The following RALGAPA1 variants were observed in gnomAD, a reference collection of about 807,000 sequenced individuals.
The protein encoded by RALGAPA1 is ral GTPase-activating protein subunit alpha-1.
RALGAPA1 carries 52 observed loss-of-function variants against 269.6 expected under a neutral mutation model. The ratio of observed to expected loss-of-function variants is 0.19; its 90% CI spans 0.15 to 0.24. RALGAPA1 has a LOEUF of 0.24. RALGAPA1 is among the 10% of genes least tolerant of loss of function. The probability of loss-of-function intolerance (pLI) is 1.00; values close to 1 mark genes in which losing one functional copy is unlikely to be tolerated. For synonymous variants in RALGAPA1, 817 were observed against 1,008.3 expected (o/e 0.81, Z 3.60); for missense variants, 1,917 against 3,013.9 (o/e 0.64, Z 8.52).
At position 35,627,946 on chromosome 14, in the gene RALGAPA1, T is replaced by C; in HGVS notation, c.6001A>G (p.Thr2001Ala). The change falls in exon 34 of 42, where the codon ACT becomes GCT. Residue 2001 changes from threonine (T) to alanine (A), a missense_variant. Thr to Ala is a moderately conservative substitution (Grantham distance 58). This residue lies in a region of RALGAPA1 where 346 missense variants were observed against 566.1 expected (regional missense o/e 0.61). Transcript: ENST00000680220. ...GAGATTAATCCATGCTGCATTTGAG[T>C]TTTCACTGGAAATAAAAAATATAAA... ...SKLQPVTEVKTQMQHGLISIA... is the reference protein window; with the variant it reads ...SKLQPVTEVKAQMQHGLISIA... 1 of 1,543,998 alleles carries C rather than the reference T, an allele frequency of 6.5e-7. No homozygotes were observed. The highest frequency in any genetic ancestry group is 2.3e-5 in the East Asian group (1 of 44,120).
chr14:35,788,215 C>T (rs891773301), intron 1 of RALGAPA1, among the ~76,000 whole-genome samples: 2 of 152,016 alleles, frequency 1.3e-5, no homozygotes, highest in African/African-American at 4.8e-5. Flanking sequence ...TCGTGATTTA[C>T]CCACCTCGGC....
At chr14:35,560,258 G>C (rs766556848) in intron 39 of RALGAPA1, among the ~76,000 whole-genome samples, 1 of 152,134 alleles carries the variant, frequency 6.6e-6, no homozygotes, top group Non-Finnish European at 1.5e-5. Flanking sequence ...CTTTCTGCTT[G>C]ACTGTATTAT....
chr14:35,762,400 C>T (rs1726021840), intron 5 of RALGAPA1, among the ~76,000 whole-genome samples: 1 of 152,144 alleles, frequency 6.6e-6, no homozygotes, highest in South Asian at 2.1e-4. Context: ...TGAGTACAGG[C>T]ACGTGCCACC....
intron 23 of RALGAPA1, 86 bp downstream of exon 23, chr14:35,674,430 G>A (rs1036630146): frequency 6.1e-6 from 8 of 1,308,778 alleles, no homozygotes; most frequent in Non-Finnish European, 8.4e-6. Context: ...TAGTCAAAAA[G>A]GGTGTCACAA....
At chr14:35,615,370 G>C (rs2060186518) in intron 35 of RALGAPA1, among the ~76,000 whole-genome samples, 2 of 152,218 alleles carry the variant, frequency 1.3e-5, no homozygotes, top group African/African-American at 2.4e-5. Flanking sequence ...AGAAAATAAA[G>C]AATCTATAAA....
intron 13 of RALGAPA1, 69 bp from the exon 14 acceptor site, chr14:35,725,222 C>A: frequency 9.3e-7 from 1 of 1,076,208 alleles, no homozygotes; most frequent in South Asian, 2.3e-5. Flanking sequence ...AGTTAACTTT[C>A]AAATACATAC....
rs191272901 is a variant in RALGAPA1, at chr14:35,718,452, A to G, written c.2266+3236T>C. On this transcript the variant is annotated intron_variant, in intron 16 of 41. Coordinates refer to ENST00000680220, the MANE Select transcript of RALGAPA1 (RefSeq NM_001346249.2). ...GAGGTGAAATGGGAAGGTGGGGAAT[A>G]GTGATGAGGGAGACTTACTACAATG... 8.5e-5 allele frequency among the ~76,000 whole-genome samples: 13 copies of G among 152,326 alleles called. No individual in the cohort carries two copies. The East Asian group carries it at 2.3e-3, about 27-fold the overall frequency.
At chr14:35,622,897 A>C (rs1261645173) in intron 35 of RALGAPA1, among the ~76,000 whole-genome samples, 1 of 152,118 alleles carries the variant, frequency 6.6e-6, no homozygotes, top group East Asian at 1.9e-4. Context: ...CTAGGTGTTC[A>C]AGGCCAGCCT....
intron 37 of RALGAPA1, among the ~76,000 whole-genome samples, chr14:35,591,447 T>C (rs1355916381): frequency 6.6e-6 from 1 of 151,996 alleles, no homozygotes; most frequent in East Asian, 1.9e-4. Flanking sequence ...TCCTGAGTAA[T>C]TGGGACTATA....
rs769630971 is a variant in RALGAPA1, at chr14:35,688,446, T to C, written c.3952+13A>G. ...CTTTCTCCTTTTGCGCTCTGCACAC[T>C]GTTAGTGCTCACCTGCAGCTTTCCT... On this transcript the variant is annotated intron_variant, in intron 18 of 41. Coordinates refer to ENST00000680220, the MANE Select transcript of RALGAPA1 (RefSeq NM_001346249.2). The C allele has an allele frequency of 3.3e-6, 5 of 1,536,026 alleles. No homozygotes were observed. The highest frequency in any genetic ancestry group is 4.4e-6 in the Non-Finnish European group (5 of 1,146,888).
In RALGAPA1 at chr14:35,724,987, C is replaced by T. The variant is rs781581502; in HGVS notation, c.1866+37G>A. On this transcript the variant is annotated intron_variant, in intron 14 of 41. Coordinates refer to ENST00000680220, the MANE Select transcript of RALGAPA1 (RefSeq NM_001346249.2). ...CAAAACAAAACAAAACAACCCATAT[C>T]TATCCAGCTATTCATCTATTTATTT... is the stretch of plus-strand genomic sequence containing the variant. 6 of 1,519,648 alleles carry T rather than the reference C, an allele frequency of 3.9e-6. No homozygotes were observed. The Admixed American group carries it at 1.2e-4, about 31-fold the overall frequency. The allele number at this position is 1,519,648 out of a possible 1,614,324, so 94.1% of individuals were successfully genotyped here.
intron 31 of RALGAPA1, among the ~76,000 whole-genome samples, chr14:35,650,135 G>A (rs1203435205): frequency 1.3e-5 from 2 of 152,142 alleles, no homozygotes; most frequent in Non-Finnish European, 2.9e-5. Context: ...ACTTTGGGAG[G>A]CCGAGGCAGG....
intron 3 of RALGAPA1, among the ~76,000 whole-genome samples, chr14:35,774,793 A>C (rs186676470): frequency 1.2e-3 from 189 of 152,314 alleles, no homozygotes; most frequent in Non-Finnish European, 2.3e-3. Flanking sequence ...CAAATGTATA[A>C]AAACATAATT....
intron 16 of RALGAPA1, among the ~76,000 whole-genome samples, chr14:35,710,053 A>T (rs1335795514): frequency 6.6e-6 from 1 of 152,186 alleles, no homozygotes; most frequent in Non-Finnish European, 1.5e-5. Context: ...CAGTTGACTG[A>T]CAGTGCTATT....
chr14:35,545,452 T>C (rs2054371475), intron 41 of RALGAPA1, among the ~76,000 whole-genome samples: 1 of 152,078 alleles, frequency 6.6e-6, no homozygotes, highest in Non-Finnish European at 1.5e-5. Flanking sequence ...ATAAAAATTA[T>C]ATTTGAATTT....
In RALGAPA1 at chr14:35,591,288, CTATGTATG is replaced by C. The variant is rs371005322; in HGVS notation, c.7209+4338_7209+4345del. ...GATACAGCATGTTATATTTTAAGTG[CTATGTATG>C]TATGTATGTATGTATGTATGTATGT... is the stretch of plus-strand genomic sequence containing the variant. On this transcript the variant is annotated intron_variant, in intron 37 of 41. Transcript: ENST00000680220. Among the ~76,000 whole-genome samples the C allele has an allele frequency of 9.0e-3, 1,349 of 150,056 alleles. 10 individuals are homozygous for C. The highest frequency in any genetic ancestry group is 0.014 in the African/African-American group (577 of 40,482).
chr14:35,714,693 A>G (rs966196591), intron 16 of RALGAPA1, among the ~76,000 whole-genome samples: 9 of 152,130 alleles, frequency 5.9e-5, no homozygotes, highest in Admixed American at 4.6e-4. Context: ...CTACACATTT[A>G]CGACTTTCTT....
chr14:35,643,124 T>C (rs140975466), intron 31 of RALGAPA1, among the ~76,000 whole-genome samples: 2,254 of 151,874 alleles, frequency 0.015, 47 homozygotes, highest in Admixed American at 0.035. Flanking sequence ...TAGGTGGGAA[T>C]TGAACAATGA....
intron 33 of RALGAPA1, among the ~76,000 whole-genome samples, chr14:35,630,704 G>A (rs945486203): frequency 6.6e-6 from 1 of 152,146 alleles, no homozygotes; most frequent in Admixed American, 6.5e-5. Flanking sequence ...AGACCAGCCT[G>A]GCCAACATGG....
Sources: allele counts gnomAD v4.1 joint callset (sites outside exome capture counted in the v4.1 genomes callset), GRCh38; gene constraint gnomAD v4.1.1; regional missense constraint gnomAD v4.1.1; transcripts MANE v1.5; gene names NCBI Gene and HGNC (gene_info 2026-07-23, HGNC 2026-07-21).